ARFGAP1: variants seen among roughly 807,000 people sequenced by gnomAD.
ARFGAP1 encodes the protein ADP-ribosylation factor GTPase-activating protein 1.
A neutral mutation model predicts 54.0 loss-of-function variants in ARFGAP1; 26 were observed. The ratio of observed to expected loss-of-function variants is 0.48; its 90% CI spans 0.35 to 0.67. ARFGAP1 has a LOEUF of 0.67. ARFGAP1 is among the 30% of genes least tolerant of loss of function. The pLI is 0.00. For missense variants in ARFGAP1, 525 were observed against 535.8 expected (o/e 0.98, Z 0.20); for synonymous variants, 248 against 211.9 (o/e 1.17, Z -1.48).
chr20:63,275,495 G>T, intron 1 of ARFGAP1, 82 bp from the exon 2 acceptor site: 1 of 1,337,614 alleles, frequency 7.5e-7, no homozygotes, highest in East Asian at 2.4e-5. Context: ...TCTGTTGTGT[G>T]GTGTTTTTGG....
At chr20:63,286,327 G>A (rs767174073) in intron 11 of ARFGAP1, 39 bp from the exon 12 acceptor site, 7 of 1,608,206 alleles carry the variant, frequency 4.4e-6, no homozygotes, top group East Asian at 2.2e-5. Context: ...CCTGTGCCGC[G>A]ACAGGGCCTG....
chr20:63,288,279 G>T lies in ARFGAP1; in HGVS notation c.*406G>T. On this transcript the variant is annotated 3_prime_UTR_variant, in exon 13 of 13. Transcript: ENST00000370283. Reference sequence around the variant, plus strand: ...TCAGCGACGTGAGGTGTCCCTTCTCGTTGAGATATTTAACTTTGGTTTTGC... The same window carrying T: ...TCAGCGACGTGAGGTGTCCCTTCTCTTTGAGATATTTAACTTTGGTTTTGC... The T allele has an allele frequency of 2.0e-6, 1 of 494,854 alleles. No homozygotes were observed. The highest frequency in any genetic ancestry group is 3.0e-4 in the Middle Eastern group (1 of 3,294). The allele number at this position is 494,854 out of a possible 1,614,324, so 30.7% of individuals were successfully genotyped here. A position where few individuals can be genotyped will look rare whatever the true frequency, so the allele number is the denominator to read the frequency against.
chr20:63,277,564 C>T (rs1195989096), intron 5 of ARFGAP1, among the ~76,000 whole-genome samples: 1 of 152,206 alleles, frequency 6.6e-6, no homozygotes, highest in African/African-American at 2.4e-5. Context: ...TCTGCCGTGG[C>T]GCTGTGGGAG....
chr20:63,283,732 C>A, intron 9 of ARFGAP1: 1 of 1,102,668 alleles, frequency 9.1e-7, no homozygotes, highest in Non-Finnish European at 1.3e-6. Flanking sequence ...TTGCTGAGAG[C>A]CTGCCCGGTG....
At chr20:63,284,101 T>C in intron 9 of ARFGAP1, 1 of 1,315,482 alleles carries the variant, frequency 7.6e-7, no homozygotes. Context: ...ACCACTGCGC[T>C]CCCCCCGGGC....
At position 63,289,206 on chromosome 20, in the gene ARFGAP1, C is replaced by T. The variant is rs36077735; in HGVS notation, c.*1333C>T. The stretch of plus-strand genomic sequence containing the variant: ...AAGCAGCCACCTGCTGTAGTTGGAC[C>T]TGAGGTCAGAGGCGGGGCATCAGAG... On this transcript the variant is annotated 3_prime_UTR_variant, in exon 13 of 13. Coordinates refer to ENST00000370283, the MANE Select transcript of ARFGAP1 (RefSeq NM_018209.4). The T allele has an allele frequency of 1.3e-5, 2 of 152,654 alleles. No homozygotes were observed. The highest frequency in any genetic ancestry group is 2.9e-5 in the Non-Finnish European group (2 of 68,392). 9.5% of individuals were successfully genotyped at this position (152,654 alleles called of 1,614,324 possible).
In ARFGAP1 at chr20:63,278,221, GGGGACGCCTGGC is replaced by G. The variant is rs2067282992; in HGVS notation, c.530+20_530+31del. On this transcript the variant is annotated intron_variant, in intron 6 of 12. Coordinates refer to ENST00000370283, the MANE Select transcript of ARFGAP1 (RefSeq NM_018209.4). ...TATCAAGGGTAAGGACTTGAGAGCT[GGGGACGCCTGGC>G]GTGGGCCAGGCCCACAGGGTTCAGT... 1 of 1,611,164 alleles carries G rather than the reference GGGGACGCCTGGC, an allele frequency of 6.2e-7. No individual in the cohort carries two copies. Among genetic ancestry groups the G allele is most frequent in the Admixed American group, 1.7e-5 (1 of 59,970 alleles).
chr20:63,275,982 C>T, intron 2 of ARFGAP1, 109 bp from the exon 3 acceptor site: 4 of 981,068 alleles, frequency 4.1e-6, no homozygotes, highest in Non-Finnish European at 4.8e-6. Flanking sequence ...CACCCCCGGC[C>T]ACCCTGGGCA....
intron 8 of ARFGAP1, 27 bp downstream of exon 8, chr20:63,281,374 C>T (rs766315493): frequency 7.6e-6 from 12 of 1,580,078 alleles, no homozygotes; most frequent in Middle Eastern, 1.7e-4. Flanking sequence ...GCCATGCCAC[C>T]GTCCCCACCA....
chr20:63,278,247 A>T (rs767411857), intron 6 of ARFGAP1, 44 bp downstream of exon 6: 7 of 1,599,068 alleles, frequency 4.4e-6, no homozygotes, highest in African/African-American at 1.3e-5. Context: ...GGCCAGGCCC[A>T]CAGGGTTCAG....
At chr20:63,283,544 C>T (rs946263209) in intron 9 of ARFGAP1, 11 of 428,258 alleles carry the variant, frequency 2.6e-5, no homozygotes, top group South Asian at 8.0e-5. Flanking sequence ...CCGTCACCCC[C>T]GTGGCCCATA....
intron 6 of ARFGAP1, 36 bp from the exon 7 acceptor site, chr20:63,278,863 C>T: frequency 6.2e-7 from 1 of 1,607,532 alleles, no homozygotes; most frequent in South Asian, 1.1e-5. Flanking sequence ...AGGGTTCATG[C>T]CAGCATCTTC....
At position 63,276,949 on chromosome 20, in the gene ARFGAP1, G is replaced by T. The variant is rs2067251027; in HGVS notation, c.343-256G>T. ...TCTAAGAAGTCTGGAGGCCAAATAG[G>T]TGGGTCCCCCTGTGTTGGAAGTTGG... is the stretch of plus-strand genomic sequence containing the variant. On this transcript the variant is annotated intron_variant, in intron 4 of 12. Transcript: ENST00000370283. This position sits in a 1 kb window ranked among gnomAD's most constrained non-coding sequence, Gnocchi z 5.2. 6.6e-6 allele frequency among the ~76,000 whole-genome samples: 1 copy of T among 152,202 alleles called. No homozygotes were observed. Among genetic ancestry groups the T allele is most frequent in the Non-Finnish European group, 1.5e-5 (1 of 68,038 alleles).
At chr20:63,283,126 G>T (rs2067430607) in intron 9 of ARFGAP1, 2 of 528,924 alleles carry the variant, frequency 3.8e-6, no homozygotes, top group African/African-American at 3.8e-5. Flanking sequence ...CGGCCACCTT[G>T]TTGGGAGCAG....
rs924155349 is a variant in ARFGAP1 at position 63,280,143 on chromosome 20, G to GA, written c.628-1137dup. Among the ~76,000 whole-genome samples, 231 of 146,438 alleles carry GA rather than the reference G, an allele frequency of 1.6e-3. 5 individuals carry two copies. The East Asian group carries it at 0.037, about 24-fold the overall frequency. The stretch of plus-strand genomic sequence containing the variant: ...GGCGACAGAGTCCGACTCCATCTCA[G>GA]AAAAAAAAAAAGATTTTTATTCATT... On this transcript the variant is annotated intron_variant, in intron 7 of 12. Transcript: ENST00000370283.
At chr20:63,281,092 T>C (rs900109210) in intron 7 of ARFGAP1, among the ~76,000 whole-genome samples, 199 bp from the exon 8 acceptor site, 2 of 151,858 alleles carry the variant, frequency 1.3e-5, no homozygotes, top group African/African-American at 2.4e-5. Context: ...GAGGTGGGGG[T>C]AGAGGGTGCG....
chr20:63,278,444 G>A, intron 6 of ARFGAP1: 1 of 511,700 alleles, frequency 2.0e-6, no homozygotes, highest in Non-Finnish European at 3.5e-6. Flanking sequence ...ATGTATTGCA[G>A]TGACCCCCAG....
Position 63,288,495 on chromosome 20 carries a change from AG to A in ARFGAP1, c.*623del. 2.2e-6 allele frequency: 1 copy of A among 455,980 alleles called. No homozygotes were observed. Among genetic ancestry groups the A allele is most frequent in the South Asian group, 1.5e-5 (1 of 64,562 alleles). The allele number at this position is 455,980 out of a possible 1,614,324, so 28.2% of individuals were successfully genotyped here. On this transcript the variant is annotated 3_prime_UTR_variant, in exon 13 of 13. Coordinates refer to ENST00000370283, the MANE Select transcript of ARFGAP1 (RefSeq NM_018209.4). ...CTGCATCAGCACCGTCCCACCACCA[AG>A]TTCACCAGGTTCACCAGACACGGCC... is the stretch of plus-strand genomic sequence containing the variant.
chr20:63,274,872 C>G (rs1481356041), intron 1 of ARFGAP1, among the ~76,000 whole-genome samples: 1 of 152,342 alleles, frequency 6.6e-6, no homozygotes, highest in African/African-American at 2.4e-5. Context: ...CATAGGTTTT[C>G]TCTTCACCCT....
Sources: allele counts gnomAD v4.1 joint callset (sites outside exome capture counted in the v4.1 genomes callset), GRCh38; gene constraint gnomAD v4.1.1; non-coding constraint Gnocchi (gnomAD v3.1); transcripts MANE v1.5; gene names NCBI Gene and HGNC (gene_info 2026-07-23, HGNC 2026-07-21).